TRPM7: variants seen among roughly 807,000 people sequenced by gnomAD.
The protein encoded by TRPM7 is LTRPC ion channel family member 7.
In TRPM7, 134 loss-of-function variants were observed where a neutral mutation model predicts 229.7. The ratio of observed to expected loss-of-function variants is 0.58; its 90% confidence interval spans 0.51 to 0.67. TRPM7 has a LOEUF of 0.67. Ranked by LOEUF, TRPM7 falls within the 30% of genes least tolerant of loss-of-function variation. The probability of loss-of-function intolerance (pLI) is 0.00; values close to 1 mark genes in which losing one functional copy is unlikely to be tolerated. For missense variants in TRPM7, 1,901 were observed against 2,210.0 expected, an observed-to-expected ratio of 0.86 and a Z score of 2.80; for synonymous variants, 699 against 715.2, an observed-to-expected ratio of 0.98 and a Z score of 0.36.
intron 1 of TRPM7, among the ~76,000 whole-genome samples, chr15:50,679,404 C>CAT (rs1216391900): frequency 6.8e-6 from 1 of 146,034 alleles, no homozygotes; most frequent in Admixed American, 6.8e-5. Context: ...AACCCATTAT[C>CAT]TATCAGTGAG....
At chr15:50,672,893 T>C in intron 1 of TRPM7, among the ~76,000 whole-genome samples, 1 of 90,624 alleles carries the variant, frequency 1.1e-5, no homozygotes, top group African/African-American at 5.2e-5. Flanking sequence ...AGTGAGACTC[T>C]GTCTCAAAAA....
chr15:50,580,376 C>T (rs1490288489), intron 30 of TRPM7, among the ~76,000 whole-genome samples: 1 of 152,118 alleles, frequency 6.6e-6, no homozygotes, highest in Non-Finnish European at 1.5e-5. Flanking sequence ...CTATAGTTTC[C>T]ACTTTTGGTT....
intron 38 of TRPM7, among the ~76,000 whole-genome samples, chr15:50,564,576 C>A (rs193273363): frequency 6.6e-6 from 1 of 151,572 alleles, no homozygotes; most frequent in Admixed American, 6.6e-5. Flanking sequence ...AAAGGATACA[C>A]GTGCAGAACA....
At chr15:50,614,819 T>G (rs1344275356) in intron 13 of TRPM7, among the ~76,000 whole-genome samples, 1 of 151,972 alleles carries the variant, frequency 6.6e-6, no homozygotes, top group East Asian at 1.9e-4. Flanking sequence ...GACAGGAGTA[T>G]GACCTAAAGC....
intron 19 of TRPM7, 45 bp from the exon 20 acceptor site, chr15:50,607,373 TA>T: frequency 7.0e-7 from 1 of 1,438,346 alleles, no homozygotes; most frequent in Middle Eastern, 2.2e-4. Flanking sequence ...GGTTACAAAA[TA>T]AATCTTTTAA....
chr15:50,666,641 A>G (rs973887466), intron 1 of TRPM7, among the ~76,000 whole-genome samples: 1 of 152,158 alleles, frequency 6.6e-6, no homozygotes, highest in Non-Finnish European at 1.5e-5. Flanking sequence ...TGTCTCTACT[A>G]AAAATACAAA....
chr15:50,624,447 A>G (rs556363945), intron 11 of TRPM7, 147 bp from the exon 12 acceptor site: 14 of 638,984 alleles, frequency 2.2e-5, no homozygotes, highest in African/African-American at 9.4e-5. Flanking sequence ...TAAAAAGCTA[A>G]TAAGACTTTA....
intron 27 of TRPM7, among the ~76,000 whole-genome samples, chr15:50,587,959 C>T (rs1196663980): frequency 1.3e-5 from 2 of 152,036 alleles, no homozygotes; most frequent in South Asian, 2.1e-4. Context: ...TTCTCATTCC[C>T]GCTTTTCTTC....
intron 4 of TRPM7, among the ~76,000 whole-genome samples, chr15:50,647,653 G>A (rs1416886286): frequency 6.6e-6 from 1 of 152,062 alleles, no homozygotes; most frequent in Non-Finnish European, 1.5e-5. Context: ...GCTGAGGCAG[G>A]AGAACTGCTT....
chr15:50,679,517 TATATATATATATATATATATA>T (rs2062187498), intron 1 of TRPM7, among the ~76,000 whole-genome samples: 4 of 36,488 alleles, frequency 1.1e-4, no homozygotes, highest in African/African-American at 4.8e-4. Flanking sequence ...ATATAATATA[TATATATATATATATATATATA>T]TTTTTTTTTT....
At chr15:50,679,513 TA>T (rs2062185540) in intron 1 of TRPM7, among the ~76,000 whole-genome samples, 1 of 61,878 alleles carries the variant, frequency 1.6e-5, no homozygotes, top group African/African-American at 1.0e-4. Flanking sequence ...ATATATATAA[TA>T]TATATATATA....
chr15:50,625,195 ATTTT>A, intron 11 of TRPM7, among the ~76,000 whole-genome samples: 1 of 152,192 alleles, frequency 6.6e-6, no homozygotes, highest in East Asian at 1.9e-4. Context: ...ATTTCTGTGT[ATTTT>A]AAGTATTTTA....
At chr15:50,611,486 G>T (rs936859945) in intron 16 of TRPM7, among the ~76,000 whole-genome samples, 165 bp from the exon 17 acceptor site, 5 of 152,288 alleles carry the variant, frequency 3.3e-5, no homozygotes, top group Admixed American at 3.3e-4. Flanking sequence ...CTACATCTAT[G>T]TGGAAATCAC....
intron 4 of TRPM7, among the ~76,000 whole-genome samples, chr15:50,645,409 G>A (rs1246466214): frequency 6.6e-6 from 1 of 152,056 alleles, no homozygotes; most frequent in Non-Finnish European, 1.5e-5. Context: ...GCCCAGGCTG[G>A]AATGCCTCCC....
intron 5 of TRPM7, 73 bp downstream of exon 5, chr15:50,643,267 A>C: frequency 7.8e-7 from 1 of 1,278,852 alleles, no homozygotes; most frequent in Non-Finnish European, 1.1e-6. Flanking sequence ...CCAGCCTGGC[A>C]ACAGAGTGAG....
intron 24 of TRPM7, 40 bp from the exon 25 acceptor site, chr15:50,593,789 T>C (rs1386406715): frequency 1.3e-6 from 2 of 1,570,094 alleles, no homozygotes; most frequent in East Asian, 4.5e-5. Context: ...GGAAGAGCTA[T>C]CAAGGTTTCA....
intron 13 of TRPM7, 118 bp downstream of exon 13, chr15:50,619,627 A>G (rs1347644810): frequency 2.3e-6 from 2 of 868,476 alleles, no homozygotes; most frequent in Non-Finnish European, 3.4e-6. Flanking sequence ...CTTGTTCTGT[A>G]AACTGTAATT....
chr15:50,623,387 G>A (rs1453835055), intron 12 of TRPM7, among the ~76,000 whole-genome samples: 1 of 150,968 alleles, frequency 6.6e-6, no homozygotes, highest in Non-Finnish European at 1.5e-5. Flanking sequence ...ACTCCAGCCT[G>A]GTGACAGAGC....
rs2054502654 is a variant in TRPM7 at position 50,583,114 on chromosome 15, A to G, written c.4532T>C (p.Val1511Ala). 3 of 1,607,630 alleles carry G rather than the reference A, an allele frequency of 1.9e-6. No homozygotes were observed. The highest frequency in any genetic ancestry group is 2.5e-6 in the Non-Finnish European group (3 of 1,177,796). ...RRPSTEDTHEVDSKAALIPDW... is the reference protein window; with the variant it reads ...RRPSTEDTHEADSKAALIPDW... Reference sequence around the variant, plus strand: ...CGGTATTAAAGCTGCTTTGGAATCTACTTCATGAGTGTCTTCGGTAGATGG... The same window carrying G: ...CGGTATTAAAGCTGCTTTGGAATCTGCTTCATGAGTGTCTTCGGTAGATGG... Residue 1511 changes from valine to alanine, a missense_variant, in exon 29 of 39, where the codon GTA becomes GCA. Around this residue, in one of 8 missense-constraint regions of TRPM7, gnomAD observed 533 missense variants for 497.1 expected, o/e 1.07. Coordinates refer to ENST00000646667, the MANE Select transcript of TRPM7 (RefSeq NM_017672.6).
Sources: gnomAD v4.1 joint callset for allele counts (sites outside exome capture counted in the v4.1 genomes callset) on GRCh38, gnomAD v4.1.1 for gene constraint, gnomAD v4.1.1 regional missense constraint, MANE v1.5 for transcripts, NCBI Gene and HGNC (gene_info 2026-07-23, HGNC 2026-07-21) for gene names.